The following CACNA1H variants were observed in gnomAD, a reference collection of about 807,000 sequenced individuals.
CACNA1H encodes the protein voltage-dependent T-type calcium channel subunit alpha-1H.
In CACNA1H, 149 loss-of-function variants were observed where a neutral mutation model predicts 192.5. The ratio of observed to expected loss-of-function variants is 0.77; its 90% confidence interval spans 0.68 to 0.89. The LOEUF (loss-of-function observed/expected upper bound fraction) is 0.89, where lower values mean the gene tolerates loss of function less well. CACNA1H is among the 40% of genes least tolerant of loss of function. The probability of loss-of-function intolerance (pLI) is 0.00; values close to 1 mark genes in which losing one functional copy is unlikely to be tolerated. For synonymous variants in CACNA1H, 2,202 were observed against 1,475.2 expected (o/e 1.49, Z -11.29); for missense variants, 4,257 against 3,423.5 (o/e 1.24, Z -6.08).
intron 2 of CACNA1H, among the ~76,000 whole-genome samples, chr16:1,189,037 C>T (rs1016288577): frequency 2.0e-5 from 3 of 149,094 alleles, no homozygotes; most frequent in Non-Finnish European, 4.4e-5. Flanking sequence ...TGTGAGCCAC[C>T]ATGGCCACAG....
At chr16:1,212,556 G>A in intron 26 of CACNA1H, 28 bp downstream of exon 26, 1 of 1,606,008 alleles carries the variant, frequency 6.2e-7, no homozygotes. Flanking sequence ...CATGCCTCAG[G>A]CCCCGCTTCT....
chr16:1,213,826 C>T lies in CACNA1H; in HGVS notation c.4824C>T (p.Arg1608=). ...ATGCCGACTACTCGCCCACGCGCCG[C>T]TCCATTCACTCGCTGTGCACCAGCC... is the stretch of plus-strand genomic sequence containing the variant. ...PYYADYSPTR[R]SIHSLCTSHY... is the part of the protein sequence containing the mutation. Residue 1608 remains arginine (R), a synonymous_variant, in exon 27 of 35, where the codon CGC becomes CGT. Coordinates refer to ENST00000348261, the MANE Select transcript of CACNA1H (RefSeq NM_021098.3). The T allele has an allele frequency of 1.3e-6, 2 of 1,592,754 alleles. No homozygotes were observed. Among genetic ancestry groups the T allele is most frequent in the Non-Finnish European group, 1.7e-6 (2 of 1,170,898 alleles).
In CACNA1H at chr16:1,218,422, G is replaced by C; in HGVS notation, c.5658G>C (p.Gln1886His). 2 of 1,554,142 alleles carry C rather than the reference G, an allele frequency of 1.3e-6. No individual in the cohort carries two copies. The highest frequency in any genetic ancestry group is 1.7e-6 in the Non-Finnish European group (2 of 1,149,504). The change falls in exon 33 of 35, where the codon CAG (glutamine) becomes CAC (histidine). Residue 1886 changes from glutamine to histidine, a missense_variant. Coordinates refer to ENST00000348261, the MANE Select transcript of CACNA1H (RefSeq NM_021098.3). The part of the protein sequence containing the change: ...LDAEIELEMA[Q>H]GPGSARRVDA... Reference sequence around the variant, plus strand: ...CCGAGATCGAGCTGGAGATGGCGCAGGGCCCCGGGAGTGCACGCCGGGTGG... The same window carrying C: ...CCGAGATCGAGCTGGAGATGGCGCACGGCCCCGGGAGTGCACGCCGGGTGG...
At chr16:1,208,983 C>G (rs183599764) in intron 16 of CACNA1H, 49 bp from the exon 17 acceptor site, 9 of 1,405,030 alleles carry the variant, frequency 6.4e-6, no homozygotes, top group Non-Finnish European at 8.3e-6. Context: ...TGACAGCGGT[C>G]GGTGCTAATA....
Position 1,206,501 on chromosome 16 carries a change from A to AG in CACNA1H, c.2789+216dup, listed in dbSNP as rs1411321873. 8.6e-6 allele frequency: 5 copies of AG among 578,386 alleles called. No homozygotes were observed. In the East Asian group the frequency reaches 1.5e-4, roughly 17 times the overall value. 35.8% of individuals were successfully genotyped at this position (578,386 alleles called of 1,614,324 possible). ...TTAGACATGCAGGGAGTCAGATGGCAGGGGTCAGAGATGGGCCGCCAGGTG... is the reference window on the plus strand; with the variant it reads ...TTAGACATGCAGGGAGTCAGATGGCAGGGGGTCAGAGATGGGCCGCCAGGTG... On this transcript the variant is annotated intron_variant, in intron 12 of 34. Coordinates refer to ENST00000348261, the MANE Select transcript of CACNA1H (RefSeq NM_021098.3).
At chr16:1,200,217 C>T (rs1392633631) in intron 6 of CACNA1H, 39 bp from the exon 7 acceptor site, 5 of 1,532,400 alleles carry the variant, frequency 3.3e-6, no homozygotes, top group South Asian at 1.2e-5. Context: ...GTCCCTGACC[C>T]TGATTGTACC....
chr16:1,189,806 C>T (rs904437880), intron 2 of CACNA1H, among the ~76,000 whole-genome samples: 1 of 152,118 alleles, frequency 6.6e-6, no homozygotes, highest in Non-Finnish European at 1.5e-5. Flanking sequence ...AGGGCCCCAC[C>T]ACCGAGGGGG....
At chr16:1,170,225 A>G (rs1295904211) in intron 2 of CACNA1H, among the ~76,000 whole-genome samples, 1 of 151,794 alleles carries the variant, frequency 6.6e-6, no homozygotes, top group Non-Finnish European at 1.5e-5. Context: ...GGCTCAGCCC[A>G]CCCTGTTCCC....
At chr16:1,158,400 G>A (rs1210435788) in intron 2 of CACNA1H, among the ~76,000 whole-genome samples, 1 of 152,012 alleles carries the variant, frequency 6.6e-6, no homozygotes, top group African/African-American at 2.4e-5. Context: ...GCGCCTGGGG[G>A]CAGCTCATCC....
chr16:1,220,134 C>A lies in CACNA1H; in HGVS notation c.6202C>A (p.Arg2068Ser), dbSNP rs759853744. The A allele has an allele frequency of 2.0e-6, 3 of 1,498,960 alleles. No individual in the cohort carries two copies. The highest frequency in any genetic ancestry group is 1.4e-5 in the South Asian group (1 of 72,210). The allele number at this position is 1,498,960 out of a possible 1,614,324, so 92.9% of individuals were successfully genotyped here. The stretch of plus-strand genomic sequence containing the variant: ...ACGCTCCCCACGGCCCGCCAGCGTC[C>A]GCACTCGTAAGCATACCTTCGGACA... Reference protein sequence around the residue: ...PPRSPRPASVRTRKHTFGQRC... With the variant: ...PPRSPRPASVSTRKHTFGQRC... The change falls in exon 35 of 35, where the codon CGC (arginine) becomes AGC (serine). Residue 2068 changes from arginine to serine, a missense_variant. Arg to Ser is a moderately radical substitution (Grantham distance 110). Coordinates refer to ENST00000348261, the MANE Select transcript of CACNA1H (RefSeq NM_021098.3).
At position 1,204,441 on chromosome 16, in the gene CACNA1H, G is replaced by A. The variant is rs28365119; in HGVS notation, c.2434G>A (p.Val812Met). 363 of 1,540,334 alleles carry A rather than the reference G, an allele frequency of 2.4e-4. No individual in the cohort carries two copies. In the African/African-American group the frequency reaches 4.2e-3, roughly 18 times the overall value. The change falls in exon 10 of 35, where the codon GTG (valine) becomes ATG (methionine). Residue 812 changes from valine to methionine, a missense_variant. By Grantham distance (21) the Val-to-Met change is conservative. Coordinates refer to ENST00000348261, the MANE Select transcript of CACNA1H (RefSeq NM_021098.3). ...AILVNTLSMG[V>M]EYHEQPEELT... ...CCTTGTCAACACGCTGAGCATGGGCGTGGAGTACCATGAGCAGGTGCGGGC... is the reference window on the plus strand; with the variant it reads ...CCTTGTCAACACGCTGAGCATGGGCATGGAGTACCATGAGCAGGTGCGGGC...
chr16:1,179,816 C>T (rs564839183), intron 2 of CACNA1H, among the ~76,000 whole-genome samples: 39 of 141,858 alleles, frequency 2.7e-4, no homozygotes, highest in African/African-American at 9.4e-4. Flanking sequence ...CTCACTGCAA[C>T]CTCTGCCTCA....
chr16:1,199,601 C>T lies in CACNA1H; in HGVS notation c.804-655C>T, dbSNP rs181148992. Among the ~76,000 whole-genome samples the T allele has an allele frequency of 9.3e-5, 14 of 151,254 alleles. No individual in the cohort carries two copies. In the East Asian group the frequency reaches 2.0e-3, roughly 22 times the overall value. On this transcript the variant is annotated intron_variant, in intron 6 of 34. Coordinates refer to ENST00000348261, the MANE Select transcript of CACNA1H (RefSeq NM_021098.3). ...ACCCCAGAGTCCGTCACACCTTACC[C>T]CAGGGTCTCCCCTCGGCCCTTGCTC... is the stretch of plus-strand genomic sequence containing the variant.
intron 22 of CACNA1H, 61 bp downstream of exon 22, chr16:1,211,355 C>A: frequency 6.2e-7 from 1 of 1,608,466 alleles, no homozygotes; most frequent in Non-Finnish European, 8.5e-7. Flanking sequence ...GCCTTCCCAG[C>A]GTGGCTCCCA....
At chr16:1,168,006 TG>T (rs1240566950) in intron 2 of CACNA1H, among the ~76,000 whole-genome samples, 1 of 152,174 alleles carries the variant, frequency 6.6e-6, no homozygotes, top group East Asian at 1.9e-4. Context: ...ACCGCACCTC[TG>T]TCTGCCCTAG....
intron 9 of CACNA1H, among the ~76,000 whole-genome samples, chr16:1,202,873 T>A (rs1176016071): frequency 1.3e-5 from 2 of 149,508 alleles, no homozygotes; most frequent in African/African-American, 4.9e-5. Flanking sequence ...GGACGCTGAG[T>A]GGGGGAGTGT....
chr16:1,200,861 G>A (rs1967785403), intron 8 of CACNA1H, 53 bp downstream of exon 8: 5 of 1,382,180 alleles, frequency 3.6e-6, no homozygotes, highest in African/African-American at 1.4e-5. Flanking sequence ...TAGCTGGCTG[G>A]GGGTGGGGTG....
At position 1,158,708 on chromosome 16, in the gene CACNA1H, G is replaced by A. The variant is rs537127002; in HGVS notation, c.299+4672G>A. On this transcript the variant is annotated intron_variant, in intron 2 of 34. Coordinates refer to ENST00000348261, the MANE Select transcript of CACNA1H (RefSeq NM_021098.3). The stretch of plus-strand genomic sequence containing the variant: ...GTGCGCCTCCCAGACCCGCTTCTGC[G>A]GCCGGGGCTGCCGGGCATGTGACCT... Among the ~76,000 whole-genome samples the A allele has an allele frequency of 2.0e-4, 30 of 152,274 alleles. 3 individuals are homozygous for A. Among genetic ancestry groups the A allele is most frequent in the Admixed American group, 1.4e-3 (22 of 15,310 alleles).
intron 4 of CACNA1H, among the ~76,000 whole-genome samples, 164 bp from the exon 5 acceptor site, chr16:1,195,762 A>G (rs1244059619): frequency 6.6e-6 from 1 of 152,104 alleles, no homozygotes; most frequent in Non-Finnish European, 1.5e-5. Flanking sequence ...TGATGTGACC[A>G]AGCGTTGTGC....
Sources: allele counts gnomAD v4.1 joint callset (sites outside exome capture counted in the v4.1 genomes callset), GRCh38; gene constraint gnomAD v4.1.1; transcripts MANE v1.5; gene names NCBI Gene and HGNC (gene_info 2026-07-23, HGNC 2026-07-21).